Variants in GTF3C3 observed in about 807,000 individuals in gnomAD.
GTF3C3 encodes general transcription factor 3C polypeptide 3.
In GTF3C3, 75 loss-of-function variants were observed where a neutral mutation model predicts 105.2. That is an observed-to-expected ratio of 0.71 (90% CI 0.59 to 0.86). The LOEUF (loss-of-function observed/expected upper bound fraction) is 0.86. GTF3C3 is among the 40% of genes least tolerant of loss of function. The pLI is 0.00. For missense variants in GTF3C3, 856 were observed against 1,076.5 expected, an observed-to-expected ratio of 0.80 and a Z score of 2.87; for synonymous variants, 335 against 370.4, an observed-to-expected ratio of 0.90 and a Z score of 1.10.
chr2:196,790,056 C>T lies in GTF3C3; in HGVS notation c.550G>A (p.Glu184Lys), dbSNP rs1401350844. The T allele has an allele frequency of 6.2e-7, 1 of 1,604,638 alleles. No homozygotes were observed. The highest frequency in any genetic ancestry group is 8.5e-7 in the Non-Finnish European group (1 of 1,176,682). ...ATCATGGCTAGAGTAGAGAATGGCT[C>T]ATAAGCCAGAGGAGCTATAACAAAT... ...EIIRQAPLAY[E>K]PFSTLAMIYE... Residue 184 changes from glutamate to lysine, a missense_variant, in exon 5 of 18, where the codon GAG becomes AAG. Transcript: ENST00000263956.
chr2:196,772,875 CT>C, intron 14 of GTF3C3, 40 bp downstream of exon 14: 1 of 1,003,962 alleles, frequency 1.0e-6, no homozygotes, highest in Non-Finnish European at 1.5e-6. Context: ...TGTACTTACT[CT>C]ATTAAAGAAT....
At chr2:196,769,595 G>C (rs1399082172) in intron 16 of GTF3C3, among the ~76,000 whole-genome samples, 2 of 151,942 alleles carry the variant, frequency 1.3e-5, no homozygotes, top group East Asian at 3.9e-4. Context: ...TACTTTAAGT[G>C]AATCTTCAGT....
chr2:196,769,823 T>C (rs1254661434), intron 16 of GTF3C3, 92 bp downstream of exon 16: 6 of 1,048,610 alleles, frequency 5.7e-6, no homozygotes, highest in Admixed American at 2.2e-5. Context: ...GCATTGTGTA[T>C]TACTTTTGAA....
chr2:196,794,391 TAG>T (rs1013913907), intron 2 of GTF3C3, among the ~76,000 whole-genome samples: 5 of 152,204 alleles, frequency 3.3e-5, no homozygotes, highest in African/African-American at 1.2e-4. Flanking sequence ...TAAGTATATA[TAG>T]AGAGATATAT....
At chr2:196,781,284 A>G (rs1396867083) in intron 8 of GTF3C3, among the ~76,000 whole-genome samples, 1 of 145,108 alleles carries the variant, frequency 6.9e-6, no homozygotes, top group East Asian at 2.0e-4. Context: ...ACAGTCTTCC[A>G]TACCTTCAGG....
intron 16 of GTF3C3, among the ~76,000 whole-genome samples, chr2:196,767,432 G>A (rs969459384): frequency 6.6e-6 from 1 of 151,886 alleles, no homozygotes; most frequent in East Asian, 1.9e-4. Flanking sequence ...TCCTAATTAA[G>A]TAATCAAATA....
At chr2:196,766,793 G>T in intron 16 of GTF3C3, 76 bp from the exon 17 acceptor site, 3 of 1,104,622 alleles carry the variant, frequency 2.7e-6, no homozygotes, top group Admixed American at 2.3e-5. Flanking sequence ...ATTACCAGGT[G>T]CTGAAAATAC....
rs143511427 is a variant in GTF3C3 at position 196,773,065 on chromosome 2, G to C, written c.1920C>G (p.Ser640=). ...LKAIYSLCDL[S]RFQEAELLVD... is the part of the protein sequence containing the mutation. Reference sequence around the variant, plus strand: ...CAAGCAACTCAGCCTCTTGAAATCGGGATAGGTCACATAAGGAGTATATGG... The same window carrying C: ...CAAGCAACTCAGCCTCTTGAAATCGCGATAGGTCACATAAGGAGTATATGG... The change falls in exon 14 of 18, where the codon TCC becomes TCG. Residue 640 remains serine (S), a synonymous_variant. Transcript: ENST00000263956. The C allele has an allele frequency of 1.4e-4, 233 of 1,613,048 alleles. No individual in the cohort carries two copies. The highest frequency in any genetic ancestry group is 1.8e-4 in the Non-Finnish European group (211 of 1,179,154).
intron 16 of GTF3C3, 65 bp from the exon 17 acceptor site, chr2:196,766,782 T>C (rs561535218): frequency 8.3e-7 from 1 of 1,206,252 alleles, no homozygotes; most frequent in South Asian, 1.5e-5. Context: ...TAGACCACTG[T>C]ATTACCAGGT....
At chr2:196,789,636 C>G (rs1394840977) in intron 5 of GTF3C3, among the ~76,000 whole-genome samples, 1 of 152,172 alleles carries the variant, frequency 6.6e-6, no homozygotes, top group African/African-American at 2.4e-5. Flanking sequence ...CAACACTGAT[C>G]TTAGTGAGAA....
Position 196,797,215 on chromosome 2 carries a change from C to T in GTF3C3, c.214+582G>A, listed in dbSNP as rs77037279. ...CTGGAAAAGGGTATCAATCACTGAA[C>T]ATTAATAAATTTGCTTACTAATTAA... is the stretch of plus-strand genomic sequence containing the variant. On this transcript the variant is annotated intron_variant, in intron 2 of 17. Transcript: ENST00000263956. Among the ~76,000 whole-genome samples, 906 of 152,294 alleles carry T rather than the reference C, an allele frequency of 5.9e-3. 4 individuals carry two copies. The highest frequency in any genetic ancestry group is 0.021 in the African/African-American group (855 of 41,558).
intron 12 of GTF3C3, among the ~76,000 whole-genome samples, chr2:196,775,623 A>G (rs767644579): frequency 6.6e-6 from 1 of 152,214 alleles, no homozygotes; most frequent in African/African-American, 2.4e-5. Flanking sequence ...TTAACATTAT[A>G]ACATGCATAT....
At chr2:196,774,908 CCTTTT>C in intron 13 of GTF3C3, 3 of 376,202 alleles carry the variant, frequency 8.0e-6, no homozygotes, top group Non-Finnish European at 1.4e-5. Context: ...CAGATGCTTT[CCTTTT>C]AATTTTTTTT....
In GTF3C3 at chr2:196,786,050, C is replaced by T. The variant is rs1056432310; in HGVS notation, c.894-462G>A. ...AACTCCAAGCCTGGTTAAAATCCAA[C>T]TATATCTACTCTTCACCACCACCTG... On this transcript the variant is annotated intron_variant, in intron 6 of 17. Coordinates refer to ENST00000263956, the MANE Select transcript of GTF3C3 (RefSeq NM_012086.5). The surrounding 1 kb of genome is among the most constrained non-coding windows in gnomAD (Gnocchi z 4.2). Among the ~76,000 whole-genome samples the T allele has an allele frequency of 1.3e-5, 2 of 152,176 alleles. No individual in the cohort carries two copies. Among genetic ancestry groups the T allele is most frequent in the Non-Finnish European group, 2.9e-5 (2 of 68,028 alleles).
At chr2:196,781,357 A>AAAAAAAAAAAAAAAAAAAAATAT in intron 8 of GTF3C3, among the ~76,000 whole-genome samples, 2 of 18,820 alleles carry the variant, frequency 1.1e-4, no homozygotes, top group Non-Finnish European at 3.0e-4. Context: ...AAAAAAAAAA[A>AAAAAAAAAAAAAAAAAAAAATAT]ATATATATAT....
intron 2 of GTF3C3, 127 bp from the exon 3 acceptor site, chr2:196,793,279 G>A (rs1356357134): frequency 3.0e-6 from 2 of 657,248 alleles, no homozygotes; most frequent in Non-Finnish European, 5.3e-6. Flanking sequence ...AATAGCAAAT[G>A]AACACCCTCA....
At position 196,763,064 on chromosome 2, in the gene GTF3C3, A is replaced by C. The variant is rs929921362; in HGVS notation, c.*1499T>G. The C allele has an allele frequency of 6.6e-6, 1 of 152,252 alleles. No individual in the cohort carries two copies. Among genetic ancestry groups the C allele is most frequent in the Admixed American group, 6.5e-5 (1 of 15,288 alleles). 9.4% of individuals were successfully genotyped at this position (152,252 alleles called of 1,614,324 possible). A position where few individuals can be genotyped will look rare whatever the true frequency, so the allele number is the denominator to read the frequency against. ...CTTGAACATGCTATTTAATCTCTAGATACAAAGTGGTGATGACAATATCAA... is the reference window on the plus strand; with the variant it reads ...CTTGAACATGCTATTTAATCTCTAGCTACAAAGTGGTGATGACAATATCAA... On this transcript the variant is annotated 3_prime_UTR_variant, in exon 18 of 18. Coordinates refer to ENST00000263956, the MANE Select transcript of GTF3C3 (RefSeq NM_012086.5).
intron 6 of GTF3C3, 26 bp from the exon 7 acceptor site, chr2:196,785,614 A>C: frequency 7.0e-7 from 1 of 1,434,974 alleles, no homozygotes; most frequent in Non-Finnish European, 9.8e-7. Context: ...AAAATGGATG[A>C]ATATTTACTT....
chr2:196,796,847 C>G (rs1490468271), intron 2 of GTF3C3, among the ~76,000 whole-genome samples: 1 of 152,138 alleles, frequency 6.6e-6, no homozygotes, highest in Non-Finnish European at 1.5e-5. Context: ...AGGACATGAT[C>G]TCATTCCTTT....
Sources: allele counts gnomAD v4.1 joint callset (sites outside exome capture counted in the v4.1 genomes callset), GRCh38; gene constraint gnomAD v4.1.1; non-coding constraint Gnocchi (gnomAD v3.1); transcripts MANE v1.5; gene names NCBI Gene and HGNC (gene_info 2026-07-23, HGNC 2026-07-21).